The following SLC39A11 variants were observed in gnomAD, a reference collection of about 807,000 sequenced individuals.
The protein encoded by SLC39A11 is zinc transporter ZIP11.
In SLC39A11, 33 loss-of-function variants were observed where a neutral mutation model predicts 36.1. The ratio of observed to expected loss-of-function variants is 0.91; its 90% CI spans 0.69 to 1.22. The LOEUF (loss-of-function observed/expected upper bound fraction) is 1.22. SLC39A11 is among the 50% of genes most tolerant of loss of function. The pLI, the probability that SLC39A11 is intolerant of heterozygous loss-of-function variation, is 0.00. For missense variants in SLC39A11, 432 were observed against 430.3 expected, an observed-to-expected ratio of 1.00 and a Z score of -0.03; for synonymous variants, 166 against 170.3, an observed-to-expected ratio of 0.97 and a Z score of 0.20.
At chr17:72,895,232 T>A (rs958289198) in intron 5 of SLC39A11, among the ~76,000 whole-genome samples, 1 of 152,102 alleles carries the variant, frequency 6.6e-6, no homozygotes, top group African/African-American at 2.4e-5. Context: ...TGGAAAATCA[T>A]TCCTGAGATG....
intron 3 of SLC39A11, among the ~76,000 whole-genome samples, chr17:73,037,631 G>T (rs2058965938): frequency 1.3e-5 from 2 of 152,234 alleles, no homozygotes; most frequent in Non-Finnish European, 2.9e-5. Flanking sequence ...CATCGCTGAA[G>T]ACACCAGGTA....
Position 73,019,480 on chromosome 17 carries a change from G to A in SLC39A11, c.306+12076C>T, listed in dbSNP as rs9915575. On this transcript the variant is annotated intron_variant, in intron 4 of 9. Transcript: ENST00000255559. ...AAGGCTCTTATATCATACATGAAGTGTTAATTCGAGGTAGACTATGATAAG... is the reference window on the plus strand; with the variant it reads ...AAGGCTCTTATATCATACATGAAGTATTAATTCGAGGTAGACTATGATAAG... Among the ~76,000 whole-genome samples the A allele has an allele frequency of 5.1e-3, 780 of 152,272 alleles. 6 individuals carry two copies. Among genetic ancestry groups the A allele is most frequent in the African/African-American group, 0.017 (714 of 41,566 alleles).
intron 6 of SLC39A11, among the ~76,000 whole-genome samples, chr17:72,834,829 C>T (rs72847925): frequency 0.046 from 7,076 of 152,240 alleles, 197 homozygotes; most frequent in Non-Finnish European, 0.062. Context: ...ATACAATCGA[C>T]GTGGAAATGA....
intron 5 of SLC39A11, among the ~76,000 whole-genome samples, chr17:72,880,632 G>C (rs1306876554): frequency 6.7e-6 from 1 of 149,042 alleles, no homozygotes; most frequent in Non-Finnish European, 1.5e-5. Flanking sequence ...TTGGGAGAGG[G>C]GACTGCCTCT....
At chr17:72,862,087 T>G (rs1025280624) in intron 5 of SLC39A11, among the ~76,000 whole-genome samples, 2 of 152,136 alleles carry the variant, frequency 1.3e-5, no homozygotes, top group East Asian at 3.9e-4. Flanking sequence ...TCTCTTTCTC[T>G]GCCATTTTTT....
chr17:73,085,005 C>CTCAGTTTATACCAT (rs35509189), intron 2 of SLC39A11, among the ~76,000 whole-genome samples, 159 bp from the exon 3 acceptor site: 2 of 152,136 alleles, frequency 1.3e-5, no homozygotes, highest in Admixed American at 1.3e-4. Context: ...CCAAGAACCA[C>CTCAGTTTATACCAT]GGGGAAAGTC....
intron 3 of SLC39A11, among the ~76,000 whole-genome samples, chr17:73,049,520 G>A (rs1049406243): frequency 6.6e-6 from 1 of 152,214 alleles, no homozygotes; most frequent in South Asian, 2.1e-4. Flanking sequence ...ATGCCAAGGA[G>A]AGTCAAGAAC....
At chr17:72,695,406 A>C (rs371910620) in intron 7 of SLC39A11, among the ~76,000 whole-genome samples, 19 of 152,358 alleles carry the variant, frequency 1.2e-4, no homozygotes, top group African/African-American at 4.6e-4. Context: ...TTCTGTGCCT[A>C]AAACAGGGCG....
At chr17:72,858,958 T>G (rs1430355617) in intron 5 of SLC39A11, among the ~76,000 whole-genome samples, 1 of 152,354 alleles carries the variant, frequency 6.6e-6, no homozygotes, top group East Asian at 1.9e-4. Flanking sequence ...TAGTTTGATT[T>G]CCTGTCTTCC....
chr17:72,990,366 T>C (rs2089076429), intron 4 of SLC39A11, among the ~76,000 whole-genome samples: 1 of 152,170 alleles, frequency 6.6e-6, no homozygotes, highest in Non-Finnish European at 1.5e-5. Flanking sequence ...AGGGTTCAAG[T>C]ATAATAGTGT....
intron 6 of SLC39A11, among the ~76,000 whole-genome samples, chr17:72,830,283 T>C (rs908282455): frequency 1.3e-5 from 2 of 152,066 alleles, no homozygotes; most frequent in East Asian, 1.9e-4. Flanking sequence ...AGAGCAGATG[T>C]GATCATTTGA....
intron 7 of SLC39A11, among the ~76,000 whole-genome samples, chr17:72,733,983 TG>T (rs1445860415): frequency 6.6e-6 from 1 of 152,138 alleles, no homozygotes; most frequent in Non-Finnish European, 1.5e-5. Flanking sequence ...GGCACAACAC[TG>T]GCCCCGACCT....
At chr17:72,973,500 G>A (rs1270284289) in intron 4 of SLC39A11, among the ~76,000 whole-genome samples, 1 of 152,176 alleles carries the variant, frequency 6.6e-6, no homozygotes, top group Non-Finnish European at 1.5e-5. Context: ...GGAATTATAG[G>A]TAGGCACATT....
intron 3 of SLC39A11, among the ~76,000 whole-genome samples, chr17:73,054,369 A>C (rs1282550654): frequency 6.7e-6 from 1 of 149,716 alleles, no homozygotes; most frequent in Non-Finnish European, 1.5e-5. Flanking sequence ...CGAAAAAAAC[A>C]AAAAAACAAA....
chr17:72,961,235 G>T (rs1250633699), intron 4 of SLC39A11, among the ~76,000 whole-genome samples: 7 of 152,156 alleles, frequency 4.6e-5, no homozygotes, highest in Non-Finnish European at 7.3e-5. Context: ...TAAAAGTCAG[G>T]AAACAAAGAT....
chr17:72,914,726 G>C (rs991671941), intron 5 of SLC39A11, among the ~76,000 whole-genome samples: 4 of 152,140 alleles, frequency 2.6e-5, no homozygotes, highest in Non-Finnish European at 5.9e-5. Flanking sequence ...AAATTAGCCA[G>C]ATGTGGTGAC....
chr17:72,888,725 G>C (rs2081563167), intron 5 of SLC39A11, among the ~76,000 whole-genome samples: 1 of 151,978 alleles, frequency 6.6e-6, no homozygotes, highest in Non-Finnish European at 1.5e-5. Context: ...AACATAGCAA[G>C]ACTCCATCTC....
intron 6 of SLC39A11, among the ~76,000 whole-genome samples, chr17:72,741,395 G>A (rs2074695073): frequency 6.6e-6 from 1 of 152,026 alleles, no homozygotes. Flanking sequence ...CACCATATAT[G>A]ATCTGTGTTT....
intron 7 of SLC39A11, among the ~76,000 whole-genome samples, chr17:72,721,233 A>T (rs768183515): frequency 1.6e-4 from 24 of 152,046 alleles, no homozygotes; most frequent in Non-Finnish European, 3.1e-4. Flanking sequence ...AGTAGGTGGG[A>T]TTACAGATGC....
Sources: gnomAD v4.1 joint callset for allele counts (sites outside exome capture counted in the v4.1 genomes callset) on GRCh38, gnomAD v4.1.1 for gene constraint, MANE v1.5 for transcripts, NCBI Gene and HGNC (gene_info 2026-07-23, HGNC 2026-07-21) for gene names.